MAJIN: variants seen among roughly 807,000 people sequenced by gnomAD.
MAJIN encodes the protein membrane anchored junction protein, also known as membrane-anchored junction protein.
In MAJIN, 27 loss-of-function variants were observed where a neutral mutation model predicts 30.2. The observed-to-expected ratio is 0.89, with a 90% CI of 0.66 to 1.23. MAJIN has a LOEUF of 1.23. MAJIN is among the 50% of genes most tolerant of loss of function. The pLI, the probability that MAJIN is intolerant of heterozygous loss-of-function variation, is 0.00. For missense variants in MAJIN, 253 were observed against 260.3 expected, an observed-to-expected ratio of 0.97 and a Z score of 0.19; for synonymous variants, 78 against 91.6, an observed-to-expected ratio of 0.85 and a Z score of 0.85.
At chr11:64,941,713 C>A (rs1191667739) in intron 8 of MAJIN, among the ~76,000 whole-genome samples, 1 of 152,124 alleles carries the variant, frequency 6.6e-6, no homozygotes, top group Non-Finnish European at 1.5e-5. Flanking sequence ...ATATAGAGTG[C>A]TGTGGTTGCT....
At chr11:64,953,708 TG>T (rs1286008041) in intron 4 of MAJIN, among the ~76,000 whole-genome samples, 1 of 152,130 alleles carries the variant, frequency 6.6e-6, no homozygotes, top group Non-Finnish European at 1.5e-5. Context: ...GGAGAATCGC[TG>T]GAACTTGGGA....
At position 64,939,965 on chromosome 11, in the gene MAJIN, A is replaced by T. The variant is rs185322926; in HGVS notation, c.547-198T>A. 1.0e-5 allele frequency: 5 copies of T among 480,774 alleles called. No individual in the cohort carries two copies. The Admixed American group carries it at 1.9e-4, about 18-fold the overall frequency. 29.8% of individuals were successfully genotyped at this position (480,774 alleles called of 1,614,324 possible). The stretch of plus-strand genomic sequence containing the variant: ...GCTATTCTGACCTCAGAGTATTTTC[A>T]GTCAAGCTCCTGGGATATTTACACA... On this transcript the variant is annotated intron_variant, in intron 9 of 10. Coordinates refer to ENST00000301896, the MANE Select transcript of MAJIN (RefSeq NM_001037225.3).
intron 8 of MAJIN, among the ~76,000 whole-genome samples, chr11:64,944,617 C>T (rs1429518727): frequency 6.6e-6 from 1 of 152,106 alleles, no homozygotes; most frequent in Non-Finnish European, 1.5e-5. Flanking sequence ...TGAGATTGCA[C>T]CACTGCACTC....
chr11:64,942,242 G>A (rs1429899950), intron 8 of MAJIN, among the ~76,000 whole-genome samples: 1 of 151,958 alleles, frequency 6.6e-6, no homozygotes, highest in East Asian at 1.9e-4. Flanking sequence ...TTTCTTTTGG[G>A]TGTGCAGTTC....
intron 1 of MAJIN, among the ~76,000 whole-genome samples, chr11:64,966,145 G>GAAAAAA (rs58387921): frequency 0.012 from 667 of 57,100 alleles, 75 homozygotes; most frequent in Middle Eastern, 0.042. Context: ...GATTAAAAAT[G>GAAAAAA]AAAAAAAAAA....
At chr11:64,965,188 G>A (rs1185093675) in intron 1 of MAJIN, among the ~76,000 whole-genome samples, 1 of 152,090 alleles carries the variant, frequency 6.6e-6, no homozygotes, top group Non-Finnish European at 1.5e-5. Context: ...GTTTCTTCCT[G>A]CCCTTTCTGG....
Position 64,949,728 on chromosome 11 carries a change from C to T in MAJIN, c.349+15G>A. The stretch of plus-strand genomic sequence containing the variant: ...TTTTCTTCTCTGCCATCCACATTCA[C>T]ATCATTCCACTTACCAGGTGACAGG... On this transcript the variant is annotated intron_variant, in intron 6 of 10. Transcript: ENST00000301896. 2 of 1,611,846 alleles carry T rather than the reference C, an allele frequency of 1.2e-6. No homozygotes were observed. Among genetic ancestry groups the T allele is most frequent in the East Asian group, 4.5e-5 (2 of 44,878 alleles).
intron 3 of MAJIN, among the ~76,000 whole-genome samples, chr11:64,956,274 G>C (rs181256438): frequency 6.6e-6 from 1 of 151,808 alleles, no homozygotes; most frequent in Non-Finnish European, 1.5e-5. Flanking sequence ...ACTCCAGCCC[G>C]GGCAACAAGA....
At chr11:64,959,274 G>T in intron 3 of MAJIN, 31 bp downstream of exon 3, 1 of 1,563,166 alleles carries the variant, frequency 6.4e-7, no homozygotes, top group Non-Finnish European at 8.8e-7. Flanking sequence ...ACTGGTGTTT[G>T]CATAGGCTAC....
Position 64,949,825 on chromosome 11 carries a change from A to T in MAJIN, c.267T>A (p.His89Gln). The change falls in exon 6 of 11, where the codon CAT (histidine) becomes CAA (glutamine). Residue 89 changes from histidine (H) to glutamine (Q), a missense_variant. His to Gln is a conservative substitution (Grantham distance 24). Coordinates refer to ENST00000301896, the MANE Select transcript of MAJIN (RefSeq NM_001037225.3). The part of the protein sequence containing the change: ...WERVSHLKFK[H>Q]GEIILIPYPF... ...GGTAGGGGATCAAGATAATTTCCCC[A>T]TGTTTGAATTTCAGGTGGGAAACTC... 6.2e-7 allele frequency: 1 copy of T among 1,609,864 alleles called. No homozygotes were observed. The highest frequency in any genetic ancestry group is 8.5e-7 in the Non-Finnish European group (1 of 1,179,744).
chr11:64,966,145 G>GTAAAAAAAAAAAAAAA (rs757617196), intron 1 of MAJIN, among the ~76,000 whole-genome samples: 1 of 57,100 alleles, frequency 1.8e-5, no homozygotes, highest in Non-Finnish European at 3.0e-5. Context: ...GATTAAAAAT[G>GTAAAAAAAAAAAAAAA]AAAAAAAAAA....
intron 1 of MAJIN, among the ~76,000 whole-genome samples, chr11:64,969,303 C>T (rs909557580): frequency 6.6e-6 from 1 of 152,032 alleles, no homozygotes; most frequent in Admixed American, 6.6e-5. Flanking sequence ...ATTTGAGTCA[C>T]CAGTGTTTAG....
At chr11:64,939,591 T>G (rs181579635) in intron 10 of MAJIN, 71 bp downstream of exon 10, 20 of 1,343,980 alleles carry the variant, frequency 1.5e-5, no homozygotes. Context: ...TCTATTCTAA[T>G]TTCCCTGAAA....
At chr11:64,945,198 A>C (rs2136731758) in intron 8 of MAJIN, among the ~76,000 whole-genome samples, 1 of 152,202 alleles carries the variant, frequency 6.6e-6, no homozygotes, top group African/African-American at 2.4e-5. Context: ...TCTACTAAAA[A>C]ATACAAAAAA....
At chr11:64,953,769 G>A (rs1347938945) in intron 4 of MAJIN, among the ~76,000 whole-genome samples, 1 of 152,096 alleles carries the variant, frequency 6.6e-6, no homozygotes, top group Non-Finnish European at 1.5e-5. Context: ...CCAGCCTGGT[G>A]ACAGAGCGAA....
At chr11:64,949,287 A>AC (rs1945511796) in intron 6 of MAJIN, among the ~76,000 whole-genome samples, 1 of 152,048 alleles carries the variant, frequency 6.6e-6, no homozygotes, top group South Asian at 2.1e-4. Context: ...CTATGATCAC[A>AC]CCACTGTACT....
intron 1 of MAJIN, among the ~76,000 whole-genome samples, chr11:64,968,852 T>C (rs1242056059): frequency 6.8e-6 from 1 of 147,290 alleles, no homozygotes; most frequent in African/African-American, 2.5e-5. Context: ...AAAACAAGAA[T>C]GAGCCACCAA....
intron 3 of MAJIN, among the ~76,000 whole-genome samples, chr11:64,956,260 T>C (rs1222210052): frequency 6.6e-6 from 1 of 151,866 alleles, no homozygotes; most frequent in Non-Finnish European, 1.5e-5. Context: ...GATTGCACCA[T>C]TGCACTCCAG....
In MAJIN at chr11:64,955,078, G is replaced by T. The variant is rs144210348; in HGVS notation, c.102-276C>A. Among the ~76,000 whole-genome samples, 605 of 152,282 alleles carry T rather than the reference G, an allele frequency of 4.0e-3. 6 individuals carry two copies. The highest frequency in any genetic ancestry group is 0.013 in the African/African-American group (542 of 41,544). ...AACAGTTGTACTTTAAGTGTGCTTT[G>T]GGGACCCTTTCAATGGGTCTTCAAG... On this transcript the variant is annotated intron_variant, in intron 3 of 10. Coordinates refer to ENST00000301896, the MANE Select transcript of MAJIN (RefSeq NM_001037225.3).
Sources: allele counts gnomAD v4.1 joint callset (sites outside exome capture counted in the v4.1 genomes callset), GRCh38; gene constraint gnomAD v4.1.1; transcripts MANE v1.5; gene names NCBI Gene and HGNC (gene_info 2026-07-23, HGNC 2026-07-21).